LRRTM1: variants seen among roughly 807,000 people sequenced by gnomAD.
LRRTM1 encodes leucine-rich repeat transmembrane neuronal protein 1.
In LRRTM1, 8 loss-of-function variants were observed where a neutral mutation model predicts 37.3. The ratio of observed to expected loss-of-function variants is 0.21; its 90% CI spans 0.13 to 0.39. LRRTM1 has a LOEUF of 0.39. Ranked by LOEUF, LRRTM1 falls within the 10% of genes least tolerant of loss-of-function variation. LRRTM1 has a pLI of 1.00. For synonymous variants in LRRTM1, 326 were observed against 316.8 expected, an observed-to-expected ratio of 1.03 and a Z score of -0.31; for missense variants, 557 against 691.0, an observed-to-expected ratio of 0.81 and a Z score of 2.17.
In LRRTM1 at chr2:80,304,743, A is replaced by G. The variant is rs1489300506; in HGVS notation, c.-651T>C. 6.5e-6 allele frequency: 1 copy of G among 152,676 alleles called. No individual in the cohort carries two copies. Among genetic ancestry groups the G allele is most frequent in the Non-Finnish European group, 1.5e-5 (1 of 67,990 alleles). The allele number at this position is 152,676 out of a possible 1,614,324, so 9.5% of individuals were successfully genotyped here. A position where few individuals can be genotyped will look rare whatever the true frequency, so the allele number is the denominator to read the frequency against. On this transcript the variant is annotated 5_prime_UTR_variant, in exon 1 of 2. Transcript: ENST00000295057. ...GAGCTTGCACAGGCACCTACTGCTC[A>G]CTGAGTGTCGTAAGCTGCTCACGAT...
At chr2:80,304,010 A>G (rs1676652976) in intron 1 of LRRTM1, 132 bp from the exon 2 acceptor site, 3 of 558,030 alleles carry the variant, frequency 5.4e-6, no homozygotes, top group South Asian at 1.1e-4. Context: ...AAGCATGCAG[A>G]AAGCTGGGCA....
intron 2 of LRRTM1, among the ~76,000 whole-genome samples, chr2:80,293,943 T>C (rs978921137): frequency 4.0e-5 from 6 of 151,678 alleles, no homozygotes; most frequent in African/African-American, 1.5e-4. Flanking sequence ...GAAACTATGA[T>C]GTCAAACTTT....
chr2:80,292,000 C>T (rs1438612134), intron 2 of LRRTM1, among the ~76,000 whole-genome samples: 1 of 152,162 alleles, frequency 6.6e-6, no homozygotes, highest in African/African-American at 2.4e-5. Context: ...ACTTCACTGC[C>T]TCCATATCCC....
At chr2:80,295,364 C>T (rs1675653372) in intron 2 of LRRTM1, among the ~76,000 whole-genome samples, 1 of 152,118 alleles carries the variant, frequency 6.6e-6, no homozygotes, top group African/African-American at 2.4e-5. Context: ...AATTCTCCCA[C>T]CCATACATGC....
At chr2:80,293,227 G>T (rs928442254) in intron 2 of LRRTM1, among the ~76,000 whole-genome samples, 16 of 152,172 alleles carry the variant, frequency 1.1e-4, no homozygotes, top group African/African-American at 3.6e-4. Context: ...TCCATTAATT[G>T]TGTGTAACTT....
At position 80,302,281 on chromosome 2, in the gene LRRTM1, G is replaced by T; in HGVS notation, c.1539C>A (p.His513Gln). ...CCTCGCATTCCCTCGCGGGCTGCTG[G>T]TGGCAGGTACACGAGCCATACTCGT... Reference protein sequence around the residue: ...IINEYGSCTCHQQPARECEV With the variant: ...IINEYGSCTCQQQPARECEV Residue 513 changes from histidine to glutamine, a missense_variant, in exon 2 of 2, where the codon CAC becomes CAA. Physicochemically the swap from His to Gln is conservative, Grantham distance 24 (BLOSUM62 0). This residue lies in a region of LRRTM1 where 90 missense variants were observed against 149.4 expected (regional missense o/e 0.60). Coordinates refer to ENST00000295057, the MANE Select transcript of LRRTM1 (RefSeq NM_178839.5). The surrounding 1 kb of genome is among the most constrained non-coding windows in gnomAD (Gnocchi z 6.4). 6 of 1,613,976 alleles carry T rather than the reference G, an allele frequency of 3.7e-6. No individual in the cohort carries two copies. Among genetic ancestry groups the T allele is most frequent in the Non-Finnish European group, 5.1e-6 (6 of 1,179,932 alleles).
At chr2:80,293,915 A>T (rs1437560372) in intron 2 of LRRTM1, among the ~76,000 whole-genome samples, 1 of 151,972 alleles carries the variant, frequency 6.6e-6, no homozygotes, top group South Asian at 2.1e-4. Context: ...TGGGGTGGAG[A>T]CACAGAGGGG....
downstream of LRRTM1, among the ~76,000 whole-genome samples, chr2:80,300,585 TC>T (rs913422837): frequency 6.6e-6 from 1 of 151,026 alleles, no homozygotes; most frequent in Admixed American, 6.6e-5. Flanking sequence ...TGGTTCCCCA[TC>T]CCCCCATTCC....
intron 2 of LRRTM1, among the ~76,000 whole-genome samples, chr2:80,290,621 CT>C (rs968893273): frequency 3.9e-5 from 6 of 152,126 alleles, no homozygotes; most frequent in Middle Eastern, 3.4e-3. Context: ...ATTACTCCCC[CT>C]CCCTGAAATC....
downstream of LRRTM1, among the ~76,000 whole-genome samples, chr2:80,296,948 A>T (rs1051744360): frequency 7.2e-5 from 11 of 152,196 alleles, no homozygotes; most frequent in African/African-American, 2.7e-4. Context: ...CTAAGGAAGA[A>T]ATGCAGATAA....
chr2:80,303,720 C>A lies in LRRTM1; in HGVS notation c.100G>T (p.Ala34Ser), dbSNP rs1168813756. The change falls in exon 2 of 2, where the codon GCC becomes TCC. Residue 34 changes from alanine to serine, a missense_variant. Ala to Ser is a moderately conservative substitution (Grantham distance 99). Coordinates refer to ENST00000295057, the MANE Select transcript of LRRTM1 (RefSeq NM_178839.5). This position sits in a 1 kb window ranked among gnomAD's most constrained non-coding sequence, Gnocchi z 7.7. ...LLGACFQMLP[A>S]APSGCPQLCR... ...AGCTGCGGGCACCCGCTGGGGGCGG[C>A]GGGCAGCATCTGAAAGCAGGCCCCC... 5.6e-6 allele frequency: 9 copies of A among 1,605,768 alleles called. No homozygotes were observed. The highest frequency in any genetic ancestry group is 7.7e-6 in the Non-Finnish European group (9 of 1,175,924).
intron 2 of LRRTM1, among the ~76,000 whole-genome samples, chr2:80,296,535 A>G (rs900512047): frequency 1.3e-5 from 2 of 152,202 alleles, no homozygotes; most frequent in South Asian, 2.1e-4. Context: ...AGTGAACCTA[A>G]GGGCTTTTAA....
rs1297735908 is a variant in LRRTM1 at position 80,303,688 on chromosome 2, C to G, written c.132G>C (p.Arg44=). 1 of 1,610,714 alleles carries G rather than the reference C, an allele frequency of 6.2e-7. No individual in the cohort carries two copies. The change falls in exon 2 of 2, where the codon CGG becomes CGC. Residue 44 remains arginine, a synonymous_variant. Transcript: ENST00000295057. This position sits in a 1 kb window ranked among gnomAD's most constrained non-coding sequence, Gnocchi z 7.7. ...AAPSGCPQLC[R]CEGRLLYCEA... is the part of the protein sequence containing the mutation. ...CGCAGTACAGCAGCCGCCCCTCGCA[C>G]CGGCACAGCTGCGGGCACCCGCTGG...
At chr2:80,296,334 C>G (rs184155819) in intron 2 of LRRTM1, among the ~76,000 whole-genome samples, 5 of 152,136 alleles carry the variant, frequency 3.3e-5, no homozygotes, top group African/African-American at 1.2e-4. Flanking sequence ...TCAAGTTTCT[C>G]ATTTTCCTTC....
Position 80,301,917 on chromosome 2 carries a change from A to C in LRRTM1, c.*334T>G, listed in dbSNP as rs1676355544. 2.9e-5 allele frequency: 4 copies of C among 138,506 alleles called. No homozygotes were observed. The highest frequency in any genetic ancestry group is 7.5e-5 in the Admixed American group (1 of 13,290). 8.6% of individuals were successfully genotyped at this position (138,506 alleles called of 1,614,324 possible). On this transcript the variant is annotated 3_prime_UTR_variant, in exon 2 of 2. Coordinates refer to ENST00000295057, the MANE Select transcript of LRRTM1 (RefSeq NM_178839.5). Reference sequence around the variant, plus strand: ...TTTTATTTTAAACATTTTAGTTTACAAAAAAAAAAAAAATCAATGATTGGT... The same window carrying C: ...TTTTATTTTAAACATTTTAGTTTACCAAAAAAAAAAAAATCAATGATTGGT...
At chr2:80,300,458 C>T (rs756054660), downstream of LRRTM1, among the ~76,000 whole-genome samples, 18 of 151,954 alleles carry the variant, frequency 1.2e-4, no homozygotes, top group Non-Finnish European at 2.6e-4. Flanking sequence ...AGAAACCTAC[C>T]ACCAACCCTT....
downstream of LRRTM1, chr2:80,299,257 G>T (rs1676032513): frequency 6.6e-6 from 1 of 152,166 alleles, no homozygotes; most frequent in Non-Finnish European, 1.5e-5. Flanking sequence ...AGGGGTCAGA[G>T]CAAGTTTCTT....
intron 2 of LRRTM1, among the ~76,000 whole-genome samples, chr2:80,294,658 A>AT (rs1451945872): frequency 2.6e-5 from 4 of 152,028 alleles, no homozygotes; most frequent in South Asian, 4.2e-4. Flanking sequence ...AATAATAATA[A>AT]AAATAATTCT....
chr2:80,302,006 A>T lies in LRRTM1; in HGVS notation c.*245T>A. On this transcript the variant is annotated 3_prime_UTR_variant, in exon 2 of 2. Transcript: ENST00000295057. The surrounding 1 kb of genome is among the most constrained non-coding windows in gnomAD (Gnocchi z 6.4). ...TCTTCAAAGGGAGGAAGGAGTTCTCATATGAAATTTAAGATAGACTGTCCT... is the reference window on the plus strand; with the variant it reads ...TCTTCAAAGGGAGGAAGGAGTTCTCTTATGAAATTTAAGATAGACTGTCCT... The T allele has an allele frequency of 2.3e-6, 1 of 432,032 alleles. No homozygotes were observed. The highest frequency in any genetic ancestry group is 4.0e-6 in the Non-Finnish European group (1 of 247,210). The allele number at this position is 432,032 out of a possible 1,614,324, so 26.8% of individuals were successfully genotyped here.
Sources: allele counts gnomAD v4.1 joint callset (sites outside exome capture counted in the v4.1 genomes callset), GRCh38; gene constraint gnomAD v4.1.1; regional missense constraint gnomAD v4.1.1; non-coding constraint Gnocchi (gnomAD v3.1); transcripts MANE v1.5; gene names NCBI Gene and HGNC (gene_info 2026-07-23, HGNC 2026-07-21).